Variants in CPEB3 observed in about 807,000 individuals in gnomAD.
CPEB3 encodes cytoplasmic polyadenylation element-binding protein 3.
A neutral mutation model predicts 67.2 loss-of-function variants in CPEB3; 20 were observed. The ratio of observed to expected loss-of-function variants is 0.30; its 90% CI spans 0.21 to 0.43. The LOEUF is 0.43. CPEB3 is among the 20% of genes least tolerant of loss of function. The pLI is 1.00. For missense variants in CPEB3, 746 were observed against 968.6 expected, an observed-to-expected ratio of 0.77 and a Z score of 3.05; for synonymous variants, 376 against 393.1, an observed-to-expected ratio of 0.96 and a Z score of 0.51.
chr10:92,212,424 T>C (rs1436483323), intron 2 of CPEB3, among the ~76,000 whole-genome samples: 1 of 146,372 alleles, frequency 6.8e-6, no homozygotes, highest in Non-Finnish European at 1.5e-5. Context: ...AATTTTTGTG[T>C]TTTTAATAGA....
chr10:92,286,778 TAC>T (rs1273800409), intron 1 of CPEB3, among the ~76,000 whole-genome samples: 1 of 152,192 alleles, frequency 6.6e-6, no homozygotes, highest in African/African-American at 2.4e-5. Flanking sequence ...AAAAATATTA[TAC>T]CATTTCTGTA....
At chr10:92,186,770 A>T (rs1362773896) in intron 3 of CPEB3, among the ~76,000 whole-genome samples, 1 of 152,188 alleles carries the variant, frequency 6.6e-6, no homozygotes, top group African/African-American at 2.4e-5. Flanking sequence ...CTATGCTTAA[A>T]GGATGATTAC....
intron 7 of CPEB3, among the ~76,000 whole-genome samples, chr10:92,096,748 A>G (rs567314410): frequency 6.6e-6 from 1 of 152,272 alleles, no homozygotes; most frequent in South Asian, 2.1e-4. Flanking sequence ...GTTCGACACC[A>G]GCTTGGCCAA....
At chr10:92,108,551 G>C (rs1289947054) in intron 7 of CPEB3, among the ~76,000 whole-genome samples, 2 of 152,162 alleles carry the variant, frequency 1.3e-5, no homozygotes, top group Non-Finnish European at 2.9e-5. Context: ...CATTAAAATT[G>C]CAGGTGTTTG....
intron 1 of CPEB3, among the ~76,000 whole-genome samples, chr10:92,280,718 T>C (rs1478189487): frequency 1.4e-5 from 2 of 147,132 alleles, no homozygotes; most frequent in Non-Finnish European, 3.0e-5. Flanking sequence ...CCCTGATCTA[T>C]ATACATACAG....
At chr10:92,257,728 CTTTTT>C (rs11418720) in intron 1 of CPEB3, among the ~76,000 whole-genome samples, 1 of 130,752 alleles carries the variant, frequency 7.6e-6, no homozygotes. Context: ...GACCTCAACT[CTTTTT>C]TTTTTTTTTT....
chr10:92,239,219 GA>G lies in CPEB3; in HGVS notation c.1005+126del. ...CAGCCCTAAAGAACTGGAGGCTTCG[GA>G]AGGGGAAAGAGGAGCTGGACATTGC... On this transcript the variant is annotated intron_variant, in intron 2 of 9. Coordinates refer to ENST00000265997, the MANE Select transcript of CPEB3 (RefSeq NM_014912.5). The surrounding 1 kb of genome is among the most constrained non-coding windows in gnomAD (Gnocchi z 6.0). 9.5e-7 allele frequency: 1 copy of G among 1,055,124 alleles called. No individual in the cohort carries two copies. The highest frequency in any genetic ancestry group is 1.4e-6 in the Non-Finnish European group (1 of 732,300). The allele number at this position is 1,055,124 out of a possible 1,614,324, so 65.4% of individuals were successfully genotyped here.
chr10:92,199,123 G>A (rs1373066241), intron 2 of CPEB3, among the ~76,000 whole-genome samples: 2 of 152,210 alleles, frequency 1.3e-5, no homozygotes, highest in Non-Finnish European at 2.9e-5. Context: ...AGGGCGCAGT[G>A]GCTCACGCCT....
intron 1 of CPEB3, among the ~76,000 whole-genome samples, chr10:92,275,305 C>T (rs1564926256): frequency 1.3e-5 from 2 of 152,208 alleles, no homozygotes. Context: ...TGTCTCCAGA[C>T]ATTACCAAAC....
chr10:92,275,326 C>T (rs1167593184), intron 1 of CPEB3, among the ~76,000 whole-genome samples: 2 of 152,162 alleles, frequency 1.3e-5, no homozygotes, highest in East Asian at 3.8e-4. Flanking sequence ...AACCCCAAGT[C>T]AGGACTCAAT....
At chr10:92,160,295 C>G (rs768167580) in intron 4 of CPEB3, among the ~76,000 whole-genome samples, 3 of 152,076 alleles carry the variant, frequency 2.0e-5, no homozygotes, top group African/African-American at 7.2e-5. Flanking sequence ...ACATAACTTA[C>G]GAAAGGGGAT....
intron 4 of CPEB3, among the ~76,000 whole-genome samples, chr10:92,163,106 C>T (rs564697081): frequency 6.6e-6 from 1 of 152,256 alleles, no homozygotes; most frequent in Admixed American, 6.5e-5. Flanking sequence ...TCCACCGTTA[C>T]AGTATCATAT....
At chr10:92,248,770 A>G (rs1393197742) in intron 1 of CPEB3, among the ~76,000 whole-genome samples, 4 of 152,212 alleles carry the variant, frequency 2.6e-5, no homozygotes, top group Non-Finnish European at 5.9e-5. Flanking sequence ...GCCCTTCCAC[A>G]GAAATTGTTT....
At chr10:92,105,860 C>T (rs1163801940) in intron 7 of CPEB3, among the ~76,000 whole-genome samples, 14 of 151,394 alleles carry the variant, frequency 9.2e-5, no homozygotes, top group South Asian at 2.1e-4. Flanking sequence ...GGATTACAGG[C>T]GTCCGCCACC....
chr10:92,106,023 G>A (rs1019455336), intron 7 of CPEB3, among the ~76,000 whole-genome samples: 2 of 151,962 alleles, frequency 1.3e-5, no homozygotes, highest in African/African-American at 4.8e-5. Context: ...ATCCCGAGTA[G>A]CTGGAATTAG....
intron 4 of CPEB3, among the ~76,000 whole-genome samples, chr10:92,164,911 G>A (rs1009626143): frequency 6.6e-6 from 1 of 151,910 alleles, no homozygotes; most frequent in Non-Finnish European, 1.5e-5. Flanking sequence ...CAACACTATT[G>A]TTTTCTACTA....
intron 2 of CPEB3, among the ~76,000 whole-genome samples, chr10:92,213,871 C>T (rs1850215015): frequency 6.6e-6 from 1 of 152,046 alleles, no homozygotes; most frequent in Admixed American, 6.6e-5. Context: ...TGAATTATAC[C>T]CTGCCATTTT....
rs563876720 is a variant in CPEB3 at position 92,199,323 on chromosome 10, G to A, written c.1006-6687C>T. On this transcript the variant is annotated intron_variant, in intron 2 of 9. Coordinates refer to ENST00000265997, the MANE Select transcript of CPEB3 (RefSeq NM_014912.5). ...GGAGAATCTCTTGAACCCAGGAGGT[G>A]GAGGTTGCGGTGAGCCGAGATCATG... Among the ~76,000 whole-genome samples, 15 of 150,956 alleles carry A rather than the reference G, an allele frequency of 9.9e-5. No individual in the cohort carries two copies. The South Asian group carries it at 2.9e-3, about 30-fold the overall frequency.
chr10:92,235,294 A>G (rs2134611412), intron 2 of CPEB3, among the ~76,000 whole-genome samples: 1 of 152,224 alleles, frequency 6.6e-6, no homozygotes, highest in Non-Finnish European at 1.5e-5. Context: ...AAAAATACAA[A>G]AATTAGCCAG....
Sources: allele counts gnomAD v4.1 joint callset (sites outside exome capture counted in the v4.1 genomes callset), GRCh38; gene constraint gnomAD v4.1.1; non-coding constraint Gnocchi (gnomAD v3.1); transcripts MANE v1.5; gene names NCBI Gene and HGNC (gene_info 2026-07-23, HGNC 2026-07-21).